The following GRID2 variants were observed in gnomAD, a reference collection of about 807,000 sequenced individuals.
GRID2 encodes the protein glutamate receptor ionotropic, delta-2.
Under a neutral mutation model 114.8 loss-of-function variants are expected in GRID2, and 33 were observed. The observed-to-expected ratio is 0.29, with a 90% CI of 0.22 to 0.38. GRID2 has a LOEUF of 0.38. GRID2 is among the 10% of genes least tolerant of loss of function. The pLI is 1.00. For missense variants in GRID2, 1,184 were observed against 1,257.7 expected (o/e 0.94, Z 0.89); for synonymous variants, 505 against 449.9 (o/e 1.12, Z -1.55).
intron 2 of GRID2, among the ~76,000 whole-genome samples, chr4:92,921,149 G>T (rs190325985): frequency 6.6e-6 from 1 of 152,174 alleles, no homozygotes; most frequent in Non-Finnish European, 1.5e-5. Flanking sequence ...GTCGGCTACT[G>T]AGGCTTGTAC....
chr4:92,612,284 T>C (rs1729792550), intron 2 of GRID2, among the ~76,000 whole-genome samples: 1 of 151,446 alleles, frequency 6.6e-6, no homozygotes, highest in Non-Finnish European at 1.5e-5. Context: ...AATATAGGAG[T>C]CTATTTCAGA....
chr4:93,041,207 T>C (rs1293516458), intron 2 of GRID2, among the ~76,000 whole-genome samples: 1 of 152,174 alleles, frequency 6.6e-6, no homozygotes, highest in African/African-American at 2.4e-5. Context: ...ATACTGATAG[T>C]GTATCATCTA....
At chr4:93,777,331 G>GT, downstream of GRID2, among the ~76,000 whole-genome samples, 1 of 152,228 alleles carries the variant, frequency 6.6e-6, no homozygotes, top group South Asian at 2.1e-4. Context: ...TTGTTTCCAT[G>GT]TAACATTGAT....
chr4:93,309,607 C>A (rs1755798309), intron 8 of GRID2, among the ~76,000 whole-genome samples: 1 of 151,908 alleles, frequency 6.6e-6, no homozygotes, highest in Non-Finnish European at 1.5e-5. Flanking sequence ...GGAGAGTCTG[C>A]TGCAAAGAGA....
At chr4:92,702,841 A>C (rs1734750347) in intron 2 of GRID2, among the ~76,000 whole-genome samples, 1 of 152,030 alleles carries the variant, frequency 6.6e-6, no homozygotes, top group Non-Finnish European at 1.5e-5. Context: ...GCCTTCTACA[A>C]ATTGGTAAGA....
Position 92,499,719 on chromosome 4 carries a change from A to G in GRID2, c.89-90412A>G, listed in dbSNP as rs575071773. On this transcript the variant is annotated intron_variant, in intron 1 of 15. Coordinates refer to ENST00000282020, the MANE Select transcript of GRID2 (RefSeq NM_001510.4). ...CCTCTCTGCCTTCTGGGTTCATGCG[A>G]TTCTCCTGCCTCAGCCTCCCAAGTA... 4.6e-5 allele frequency among the ~76,000 whole-genome samples: 7 copies of G among 152,250 alleles called. No individual in the cohort carries two copies. The East Asian group carries it at 1.4e-3, about 29-fold the overall frequency.
intron 8 of GRID2, among the ~76,000 whole-genome samples, chr4:93,288,655 A>G (rs532526673): frequency 7.7e-4 from 117 of 152,340 alleles, no homozygotes; most frequent in Non-Finnish European, 1.5e-3. Context: ...CTATCCTTTT[A>G]TATAAGTTTG....
At chr4:93,249,724 A>C (rs1748627603) in intron 8 of GRID2, among the ~76,000 whole-genome samples, 1 of 152,180 alleles carries the variant, frequency 6.6e-6, no homozygotes, top group Non-Finnish European at 1.5e-5. Flanking sequence ...ACATTTATGC[A>C]GCCAACAAAC....
At chr4:92,869,702 C>G (rs1175558629) in intron 2 of GRID2, among the ~76,000 whole-genome samples, 3 of 152,150 alleles carry the variant, frequency 2.0e-5, no homozygotes, top group Admixed American at 2.0e-4. Flanking sequence ...GAGTGTTCAG[C>G]TTTCCTTTCC....
chr4:93,591,214 T>G (rs1263034463), intron 13 of GRID2, among the ~76,000 whole-genome samples: 1 of 151,284 alleles, frequency 6.6e-6, no homozygotes, highest in African/African-American at 2.4e-5. Flanking sequence ...GCTCTTATTA[T>G]TTTGAAATAT....
At position 92,482,711 on chromosome 4, in the gene GRID2, T is replaced by C. The variant is rs181027240; in HGVS notation, c.89-107420T>C. The stretch of plus-strand genomic sequence containing the variant: ...CAGATTGTTGCTCAATTCTGGCTTG[T>C]GATTGACTTGTCTCTGGCTGAAAGA... On this transcript the variant is annotated intron_variant, in intron 1 of 15. Coordinates refer to ENST00000282020, the MANE Select transcript of GRID2 (RefSeq NM_001510.4). Among the ~76,000 whole-genome samples the C allele has an allele frequency of 2.9e-3, 444 of 152,316 alleles. 4 individuals carry two copies. Among genetic ancestry groups the C allele is most frequent in the Non-Finnish European group, 4.6e-3 (310 of 68,028 alleles).
At chr4:93,352,427 C>G (rs953314910) in intron 8 of GRID2, among the ~76,000 whole-genome samples, 2 of 152,006 alleles carry the variant, frequency 1.3e-5, no homozygotes, top group African/African-American at 2.4e-5. Flanking sequence ...GAGTCAGAAA[C>G]AGCTACATGT....
intron 2 of GRID2, among the ~76,000 whole-genome samples, chr4:93,014,796 A>G (rs1319489471): frequency 1.3e-5 from 2 of 152,130 alleles, no homozygotes; most frequent in African/African-American, 4.8e-5. Flanking sequence ...CACGTGCATT[A>G]ATAGTGTCTA....
In GRID2 at chr4:92,757,413, T is replaced by C. The variant is rs1166490282; in HGVS notation, c.244+167127T>C. On this transcript the variant is annotated intron_variant, in intron 2 of 15. Coordinates refer to ENST00000282020, the MANE Select transcript of GRID2 (RefSeq NM_001510.4). ...CACCTTGATGGACTGGTTGTGAATG[T>C]TGACAAAAATATTTATTCACAAACA... Among the ~76,000 whole-genome samples the C allele has an allele frequency of 3.3e-5, 5 of 152,104 alleles. No homozygotes were observed. The East Asian group carries it at 7.7e-4, about 23-fold the overall frequency.
intron 8 of GRID2, among the ~76,000 whole-genome samples, chr4:93,276,039 CA>C (rs1752024826): frequency 6.6e-6 from 1 of 151,818 alleles, no homozygotes; most frequent in African/African-American, 2.4e-5. Context: ...CCCAAGGTCC[CA>C]AAACTTTTCT....
chr4:92,895,762 A>G (rs2149474785), intron 2 of GRID2, among the ~76,000 whole-genome samples: 1 of 152,280 alleles, frequency 6.6e-6, no homozygotes, highest in Admixed American at 6.5e-5. Flanking sequence ...CTGTAAAGTC[A>G]GTACCATTAT....
At chr4:93,320,416 G>T (rs1183643938) in intron 8 of GRID2, among the ~76,000 whole-genome samples, 2 of 152,142 alleles carry the variant, frequency 1.3e-5, no homozygotes, top group Non-Finnish European at 1.5e-5. Context: ...AACCCATGAG[G>T]ACATTTTAGA....
intron 2 of GRID2, among the ~76,000 whole-genome samples, chr4:92,743,989 C>A (rs1194201768): frequency 1.5e-4 from 23 of 152,014 alleles, no homozygotes; most frequent in Non-Finnish European, 1.5e-5. Context: ...TCAAATTGTC[C>A]TTCACTTATT....
At chr4:92,822,428 C>T in intron 2 of GRID2, 1 of 539,920 alleles carries the variant, frequency 1.9e-6, no homozygotes, top group Non-Finnish European at 3.6e-6. Flanking sequence ...GTCCCAGCTA[C>T]AGAGGTGATA....
Sources: gnomAD v4.1 joint callset for allele counts (sites outside exome capture counted in the v4.1 genomes callset) on GRCh38, gnomAD v4.1.1 for gene constraint, MANE v1.5 for transcripts, NCBI Gene and HGNC (gene_info 2026-07-23, HGNC 2026-07-21) for gene names.